NSMAF: variants seen among roughly 807,000 people sequenced by gnomAD.
NSMAF encodes the protein neutral sphingomyelinase activation associated factor.
NSMAF carries 90 observed loss-of-function variants against 134.9 expected under a neutral mutation model. That is an observed-to-expected ratio of 0.67 (90% confidence interval 0.56 to 0.79). The LOEUF (loss-of-function observed/expected upper bound fraction) is 0.79, where lower values mean the gene tolerates loss of function less well. Among genes scored for constraint, NSMAF ranks in the 30% least tolerant of loss-of-function variants. NSMAF has a pLI of 0.00. For missense variants in NSMAF, 1,010 were observed against 1,119.0 expected (o/e 0.90, Z 1.39); for synonymous variants, 358 against 389.6 (o/e 0.92, Z 0.96).
chr8:58,583,880 G>A lies in NSMAF; in HGVS notation c.*226C>T. On this transcript the variant is annotated 3_prime_UTR_variant, in exon 31 of 31. Coordinates refer to ENST00000038176, the MANE Select transcript of NSMAF (RefSeq NM_003580.4). ...TACGGGGACGATCATCTGCCTTACA[G>A]TGTAACATGTTTTTCCTAACACAGC... The A allele has an allele frequency of 1.9e-6, 1 of 536,876 alleles. No homozygotes were observed. Among genetic ancestry groups the A allele is most frequent in the South Asian group, 2.0e-5 (1 of 49,312 alleles). The allele number at this position is 536,876 out of a possible 1,614,324, so 33.3% of individuals were successfully genotyped here.
In NSMAF at chr8:58,603,272, T is replaced by C. The variant is rs151206159; in HGVS notation, c.983A>G (p.Asn328Ser). 122 of 1,614,108 alleles carry C rather than the reference T, an allele frequency of 7.6e-5. No homozygotes were observed. Among genetic ancestry groups the C allele is most frequent in the Non-Finnish European group, 1.0e-4 (120 of 1,180,050 alleles). ...HLNNLADRSC[N>S]DLSQYPVFPW... Reference sequence around the variant, plus strand: ...AAACACAGGGTACTGGGAGAGGTCGTTGCAGCTGCGGTCGGCCAGGTTGTT... The same window carrying C: ...AAACACAGGGTACTGGGAGAGGTCGCTGCAGCTGCGGTCGGCCAGGTTGTT... The change falls in exon 13 of 31, where the codon AAC becomes AGC. Residue 328 changes from asparagine (N) to serine (S), a missense_variant. Asn to Ser is a conservative substitution (Grantham distance 46, BLOSUM62 1). Transcript: ENST00000038176.
chr8:58,649,606 C>T (rs1456233630), intron 1 of NSMAF, among the ~76,000 whole-genome samples: 1 of 152,170 alleles, frequency 6.6e-6, no homozygotes, highest in Non-Finnish European at 1.5e-5. Context: ...GGGCAGATCC[C>T]TCATGAATGC....
Position 58,607,850 on chromosome 8 carries a change from T to C in NSMAF, c.688-10A>G. 6.2e-7 allele frequency: 1 copy of C among 1,607,986 alleles called. No homozygotes were observed. The highest frequency in any genetic ancestry group is 8.5e-7 in the Non-Finnish European group (1 of 1,174,352). ...TCTGGACCACAGGTTTCTTTAAAAG[T>C]AGAAAGACAATCTCAAACATTATTG... is the stretch of plus-strand genomic sequence containing the variant. On this transcript the variant is annotated splice_polypyrimidine_tract_variant and intron_variant, in intron 10 of 30. Coordinates refer to ENST00000038176, the MANE Select transcript of NSMAF (RefSeq NM_003580.4).
At chr8:58,600,256 T>C (rs1806248708) in intron 16 of NSMAF, 1 of 549,906 alleles carries the variant, frequency 1.8e-6, no homozygotes, top group African/African-American at 1.9e-5. Context: ...AGAGTCCGAG[T>C]CCACACCATT....
At chr8:58,587,515 C>A (rs1412524263) in intron 27 of NSMAF, 103 bp downstream of exon 27, 1 of 825,684 alleles carries the variant, frequency 1.2e-6, no homozygotes. Context: ...CTTCCATTAA[C>A]CAAATAAAGC....
At chr8:58,625,394 A>ATATGTATGTATGTATGTATGTATGTATG (rs1554576320) in intron 6 of NSMAF, among the ~76,000 whole-genome samples, 6 of 151,534 alleles carry the variant, frequency 4.0e-5, no homozygotes, top group African/African-American at 1.5e-4. Context: ...ATGTATATGC[A>ATATGTATGTATGTATGTATGTATGTATG]TATGTATGTA....
intron 22 of NSMAF, among the ~76,000 whole-genome samples, chr8:58,595,185 C>T (rs973072313): frequency 2.0e-5 from 3 of 152,120 alleles, no homozygotes; most frequent in African/African-American, 7.2e-5. Flanking sequence ...GCCTTTTCAC[C>T]TACATTATGT....
At chr8:58,658,065 A>G (rs891605120) in intron 1 of NSMAF, among the ~76,000 whole-genome samples, 1 of 152,214 alleles carries the variant, frequency 6.6e-6, no homozygotes, top group African/African-American at 2.4e-5. Flanking sequence ...AAAGGCCAAT[A>G]TGAGTATTGG....
At chr8:58,595,732 T>C (rs1035191721) in intron 21 of NSMAF, 73 bp from the exon 22 acceptor site, 1 of 891,156 alleles carries the variant, frequency 1.1e-6, no homozygotes. Context: ...ATTAACAATA[T>C]TTTCTATTAA....
chr8:58,646,947 A>T (rs988234080), intron 1 of NSMAF, among the ~76,000 whole-genome samples: 6 of 152,224 alleles, frequency 3.9e-5, no homozygotes, highest in African/African-American at 7.2e-5. Context: ...ATGTTTTCCT[A>T]TTCTTACATC....
intron 5 of NSMAF, among the ~76,000 whole-genome samples, chr8:58,632,717 T>C (rs1441753156): frequency 6.6e-6 from 1 of 152,170 alleles, no homozygotes; most frequent in Non-Finnish European, 1.5e-5. Flanking sequence ...CCAGTATGTC[T>C]TGCTAGCCTC....
chr8:58,597,404 G>C lies in NSMAF; in HGVS notation c.1775C>G (p.Ser592Cys). Residue 592 changes from serine (S) to cysteine (C), a missense_variant, in exon 21 of 31, where the codon TCT becomes TGT. Transcript: ENST00000038176. ...SLSQTSSYNASMADSPGEESF... is the reference protein window; with the variant it reads ...SLSQTSSYNACMADSPGEESF... ...AAATTTACCTGGGGAATCTGCCATA[G>C]AAGCATTATAACTGGAGGTCTGGGA... is the stretch of plus-strand genomic sequence containing the variant. 6.2e-7 allele frequency: 1 copy of C among 1,614,068 alleles called. No individual in the cohort carries two copies. Among genetic ancestry groups the C allele is most frequent in the South Asian group, 1.1e-5 (1 of 91,072 alleles).
At chr8:58,595,186 T>C (rs1025592600) in intron 22 of NSMAF, among the ~76,000 whole-genome samples, 57 of 152,230 alleles carry the variant, frequency 3.7e-4, no homozygotes, top group African/African-American at 1.3e-3. Context: ...CCTTTTCACC[T>C]ACATTATGTG....
chr8:58,618,073 ACAC>A (rs1191282638), intron 9 of NSMAF, among the ~76,000 whole-genome samples: 1 of 152,162 alleles, frequency 6.6e-6, no homozygotes, highest in Non-Finnish European at 1.5e-5. Context: ...AGCAAGCCAA[ACAC>A]CACATGTCCT....
At position 58,583,652 on chromosome 8, in the gene NSMAF, C is replaced by T. The variant is rs1051684760; in HGVS notation, c.*454G>A. On this transcript the variant is annotated 3_prime_UTR_variant, in exon 31 of 31. Coordinates refer to ENST00000038176, the MANE Select transcript of NSMAF (RefSeq NM_003580.4). The stretch of plus-strand genomic sequence containing the variant: ...GGTACAGCATTATAGAAAGTAACCA[C>T]GCTATGAAAACACACACCCAAAACC... 8 of 203,452 alleles carry T rather than the reference C, an allele frequency of 3.9e-5. No homozygotes were observed. Among genetic ancestry groups the T allele is most frequent in the Admixed American group, 1.2e-4 (2 of 16,870 alleles). 12.6% of individuals were successfully genotyped at this position (203,452 alleles called of 1,614,324 possible). A position where few individuals can be genotyped will look rare whatever the true frequency, so the allele number is the denominator to read the frequency against.
In NSMAF at chr8:58,646,044, AATCATCATCATCATC is replaced by A. The variant is rs140848286; in HGVS notation, c.60-2986_60-2972del. Among the ~76,000 whole-genome samples, 405 of 151,924 alleles carry A rather than the reference AATCATCATCATCATC, an allele frequency of 2.7e-3. 3 individuals are homozygous for A. Among genetic ancestry groups the A allele is most frequent in the Non-Finnish European group, 4.8e-3 (328 of 67,932 alleles). ...CAACAAGAGCGAGACTCCGTCTCAA[AATCATCATCATCATC>A]ATCATCATCATCTGAACCAAAAGAA... On this transcript the variant is annotated intron_variant, in intron 1 of 30. Coordinates refer to ENST00000038176, the MANE Select transcript of NSMAF (RefSeq NM_003580.4).
At position 58,597,505 on chromosome 8, in the gene NSMAF, C is replaced by G. The variant is rs149890381; in HGVS notation, c.1674G>C (p.Leu558Phe). ...DEKVAMLTQI[L>F]EFGQTPKQLF... Reference sequence around the variant, plus strand: ...GTTGTTTTGGTGTCTGCCCAAATTCCAAGATTTGCGTAAGCATGGCTACCT... The same window carrying G: ...GTTGTTTTGGTGTCTGCCCAAATTCGAAGATTTGCGTAAGCATGGCTACCT... The change falls in exon 21 of 31, where the codon TTG (leucine) becomes TTC (phenylalanine). Residue 558 changes from leucine (L) to phenylalanine (F), a missense_variant. By Grantham distance (22) the Leu-to-Phe change is conservative. Coordinates refer to ENST00000038176, the MANE Select transcript of NSMAF (RefSeq NM_003580.4). 6.2e-7 allele frequency: 1 copy of G among 1,614,010 alleles called. No homozygotes were observed. The highest frequency in any genetic ancestry group is 1.3e-5 in the African/African-American group (1 of 74,914).
At chr8:58,600,230 T>A in intron 16 of NSMAF, 1 of 581,600 alleles carries the variant, frequency 1.7e-6, no homozygotes. Flanking sequence ...CAGGGTCACA[T>A]GGCGGGAGTG....
intron 22 of NSMAF, chr8:58,594,627 TCA>T (rs1258377518): frequency 3.3e-6 from 1 of 303,406 alleles, no homozygotes; most frequent in African/African-American, 2.2e-5. Flanking sequence ...AAACTCTTCT[TCA>T]CAGTCACTTC....
Sources: allele counts gnomAD v4.1 joint callset (sites outside exome capture counted in the v4.1 genomes callset), GRCh38; gene constraint gnomAD v4.1.1; transcripts MANE v1.5; gene names NCBI Gene and HGNC (gene_info 2026-07-23, HGNC 2026-07-21).